STAB2: variants seen among roughly 807,000 people sequenced by gnomAD.
The protein encoded by STAB2 is stabilin 2, also known as stabilin-2.
STAB2 carries 288 observed loss-of-function variants against 338.1 expected under a neutral mutation model. That is an observed-to-expected ratio of 0.85 (90% CI 0.77 to 0.94). The LOEUF (loss-of-function observed/expected upper bound fraction) is 0.94, where lower values mean the gene tolerates loss of function less well. Ranked by LOEUF, STAB2 falls within the 40% of genes least tolerant of loss-of-function variation. STAB2 has a pLI of 0.00. For synonymous variants in STAB2, 1,202 were observed against 1,193.3 expected, an observed-to-expected ratio of 1.01 and a Z score of -0.15; for missense variants, 3,141 against 3,210.1, an observed-to-expected ratio of 0.98 and a Z score of 0.52.
intron 15 of STAB2, among the ~76,000 whole-genome samples, chr12:103,657,206 C>T (rs1282801771): frequency 7.3e-6 from 1 of 136,688 alleles, no homozygotes; most frequent in Non-Finnish European, 1.5e-5. Flanking sequence ...TTAGAACTCA[C>T]ATTCATACTT....
At chr12:103,722,614 C>A (rs934352003) in intron 44 of STAB2, among the ~76,000 whole-genome samples, 1 of 152,160 alleles carries the variant, frequency 6.6e-6, no homozygotes, top group African/African-American at 2.4e-5. Flanking sequence ...AAATTTTAAA[C>A]CTACATGAAA....
At chr12:103,748,058 T>G (rs990864120) in intron 58 of STAB2, among the ~76,000 whole-genome samples, 2 of 148,966 alleles carry the variant, frequency 1.3e-5, no homozygotes, top group African/African-American at 5.0e-5. Context: ...TGAGGAAAAA[T>G]CAGCAGTCTC....
intron 3 of STAB2, among the ~76,000 whole-genome samples, chr12:103,616,610 G>A (rs1957214666): frequency 6.6e-6 from 1 of 152,238 alleles, no homozygotes; most frequent in Non-Finnish European, 1.5e-5. Flanking sequence ...GGCTTCAGGA[G>A]GCCCTGTGTT....
chr12:103,660,874 A>G, intron 17 of STAB2, 111 bp downstream of exon 17: 6 of 1,192,476 alleles, frequency 5.0e-6, no homozygotes, highest in Non-Finnish European at 7.4e-6. Context: ...TAAAATCTTT[A>G]TGATTATTTC....
At chr12:103,672,852 G>C (rs571065114) in intron 22 of STAB2, among the ~76,000 whole-genome samples, 1 of 152,322 alleles carries the variant, frequency 6.6e-6, no homozygotes, top group East Asian at 1.9e-4. Flanking sequence ...TTCATATAAT[G>C]ATCTACGGTG....
intron 15 of STAB2, 82 bp downstream of exon 15, chr12:103,655,663 G>A: frequency 1.3e-6 from 2 of 1,547,726 alleles, no homozygotes; most frequent in Non-Finnish European, 1.7e-6. Context: ...TCCTAAACTA[G>A]AGATAGTAAA....
At chr12:103,678,161 G>T (rs1352997754) in intron 25 of STAB2, among the ~76,000 whole-genome samples, 1 of 152,160 alleles carries the variant, frequency 6.6e-6, no homozygotes, top group Non-Finnish European at 1.5e-5. Flanking sequence ...AGGCTAAGGA[G>T]GTCAGAACAC....
intron 13 of STAB2, 67 bp downstream of exon 13, chr12:103,654,765 C>A: frequency 6.4e-7 from 1 of 1,552,456 alleles, no homozygotes; most frequent in Non-Finnish European, 8.7e-7. Flanking sequence ...AGAGTCACAT[C>A]CAGAGCATGC....
At chr12:103,713,620 C>A in intron 41 of STAB2, 23 bp from the exon 42 acceptor site, 1 of 1,612,904 alleles carries the variant, frequency 6.2e-7, no homozygotes, top group Non-Finnish European at 8.5e-7. Flanking sequence ...CTCTCCCCTT[C>A]TGCTCTGTGT....
intron 28 of STAB2, 90 bp from the exon 29 acceptor site, chr12:103,689,755 AT>A: frequency 6.6e-7 from 1 of 1,503,936 alleles, no homozygotes; most frequent in Non-Finnish European, 9.0e-7. Flanking sequence ...CCAGTATCTT[AT>A]GGGAAATTGT....
Position 103,762,380 on chromosome 12 carries a change from C to A in STAB2, c.7466C>A (p.Thr2489Lys), listed in dbSNP as rs768541384. 6.8e-6 allele frequency: 11 copies of A among 1,614,236 alleles called. No individual in the cohort carries two copies. The East Asian group carries it at 1.1e-4, about 16-fold the overall frequency. ...TCCTACTTTCGGATAAACCGGAGAA[C>A]AATCGGCTTCCAGCATTTTGAGGTA... is the stretch of plus-strand genomic sequence containing the variant. ...AYSYFRINRR[T>K]IGFQHFESEE... Residue 2489 changes from threonine (T) to lysine (K), a missense_variant, in exon 67 of 69, where the codon ACA becomes AAA. By Grantham distance (78) the Thr-to-Lys change is moderately conservative. Coordinates refer to ENST00000388887, the MANE Select transcript of STAB2 (RefSeq NM_017564.10).
intron 24 of STAB2, among the ~76,000 whole-genome samples, chr12:103,677,092 G>A (rs780594167): frequency 5.3e-5 from 8 of 152,228 alleles, no homozygotes; most frequent in Admixed American, 1.3e-4. Flanking sequence ...ATACAGGCCC[G>A]GGTTCATGTC....
Position 103,661,953 on chromosome 12 carries a change from T to G in STAB2, c.1870-893T>G, listed in dbSNP as rs1000511179. On this transcript the variant is annotated intron_variant, in intron 17 of 68. Coordinates refer to ENST00000388887, the MANE Select transcript of STAB2 (RefSeq NM_017564.10). Reference sequence around the variant, plus strand: ...CAGGGTAAGGATGCAGGCTCTTACTTGGAATGAGAGGAGAAGCAGTTGGAG... The same window carrying G: ...CAGGGTAAGGATGCAGGCTCTTACTGGGAATGAGAGGAGAAGCAGTTGGAG... Among the ~76,000 whole-genome samples, 20 of 152,068 alleles carry G rather than the reference T, an allele frequency of 1.3e-4. 3 individuals are homozygous for G. The highest frequency in any genetic ancestry group is 4.6e-4 in the Admixed American group (7 of 15,250).
intron 12 of STAB2, among the ~76,000 whole-genome samples, chr12:103,653,430 G>GTCA (rs1469800037): frequency 6.6e-6 from 1 of 152,208 alleles, no homozygotes; most frequent in African/African-American, 2.4e-5. Flanking sequence ...TAAGAAAGAA[G>GTCA]AGAGGCCACA....
At chr12:103,762,529 G>T in intron 67 of STAB2, 127 bp downstream of exon 67, 1 of 1,458,626 alleles carries the variant, frequency 6.9e-7, no homozygotes. Context: ...CACAGTAGCA[G>T]GGGCGGCCAC....
At chr12:103,600,510 A>G (rs1006583202) in intron 3 of STAB2, among the ~76,000 whole-genome samples, 3 of 151,988 alleles carry the variant, frequency 2.0e-5, no homozygotes, top group African/African-American at 7.3e-5. Flanking sequence ...CATCACAGAG[A>G]CTCCACCCTG....
intron 33 of STAB2, among the ~76,000 whole-genome samples, chr12:103,697,417 T>C (rs1878501110): frequency 6.6e-6 from 1 of 152,218 alleles, no homozygotes. Context: ...AAATGTTATT[T>C]TTCTGCCACA....
At position 103,755,732 on chromosome 12, in the gene STAB2, C is replaced by T; in HGVS notation, c.6987+14C>T. 6.2e-7 allele frequency: 1 copy of T among 1,613,532 alleles called. No individual in the cohort carries two copies. Among genetic ancestry groups the T allele is most frequent in the Non-Finnish European group, 8.5e-7 (1 of 1,179,550 alleles). ...AACTTCCTGACGGTATGTACCATGT[C>T]TGCTTGGTTTGCCTCAGGCAGGGAG... is the stretch of plus-strand genomic sequence containing the variant. On this transcript the variant is annotated intron_variant, in intron 63 of 68. Transcript: ENST00000388887.
chr12:103,714,272 A>G (rs967186742), intron 42 of STAB2, among the ~76,000 whole-genome samples: 4 of 152,142 alleles, frequency 2.6e-5, no homozygotes, highest in Non-Finnish European at 4.4e-5. Context: ...ATATCCACAC[A>G]CTGTTCTACT....
Sources: allele counts gnomAD v4.1 joint callset (sites outside exome capture counted in the v4.1 genomes callset), GRCh38; gene constraint gnomAD v4.1.1; transcripts MANE v1.5; gene names NCBI Gene and HGNC (gene_info 2026-07-23, HGNC 2026-07-21).